The following OTUD7A variants were observed in gnomAD, a reference collection of about 807,000 sequenced individuals.
The protein encoded by OTUD7A is OTU domain-containing protein 7A.
OTUD7A carries 12 observed loss-of-function variants against 65.7 expected under a neutral mutation model. The observed-to-expected ratio is 0.18, with a 90% CI of 0.12 to 0.30. The LOEUF is 0.30. Ranked by LOEUF, OTUD7A falls within the 10% of genes least tolerant of loss-of-function variation. The probability of loss-of-function intolerance (pLI) is 1.00; values close to 1 mark genes in which losing one functional copy is unlikely to be tolerated. For synonymous variants in OTUD7A, 641 were observed against 586.3 expected (o/e 1.09, Z -1.35); for missense variants, 1,148 against 1,304.8 (o/e 0.88, Z 1.85).
intron 5 of OTUD7A, chr15:31,556,700 A>G (rs1888507024): frequency 1.3e-5 from 2 of 152,250 alleles, no homozygotes; most frequent in East Asian, 3.9e-4. Context: ...AGCTGCTATG[A>G]TCACCCAAGC....
At chr15:31,827,699 G>A (rs554520160) in intron 1 of OTUD7A, among the ~76,000 whole-genome samples, 2 of 152,268 alleles carry the variant, frequency 1.3e-5, no homozygotes, top group East Asian at 1.9e-4. Context: ...GGCTGAGATG[G>A]GTGGATCACT....
intron 1 of OTUD7A, among the ~76,000 whole-genome samples, chr15:31,665,289 G>A (rs934579788): frequency 5.9e-5 from 9 of 152,198 alleles, no homozygotes; most frequent in African/African-American, 1.7e-4. Context: ...ACCCATCCAT[G>A]AGCATGGGAT....
At position 31,483,818 on chromosome 15, in the gene OTUD7A, T is replaced by C. The variant is rs2338681; in HGVS notation, c.2278A>G (p.Ser760Gly). 0.99 allele frequency: 994,293 copies of C among 1,003,664 alleles called. 492,514 individuals carry two copies. The highest frequency in any genetic ancestry group is 1 in the East Asian group (9,549 of 9,550). The allele number at this position is 1,003,664 out of a possible 1,614,324, so 62.2% of individuals were successfully genotyped here. A position where few individuals can be genotyped will look rare whatever the true frequency, so the allele number is the denominator to read the frequency against. The stretch of plus-strand genomic sequence containing the variant: ...CGGCCAGGCACTGGTCCGCTGGCGC[T>C]CGCACGCCGCGCGCCTCCCCCCGGG... ...ASPGGGARRA[S>G]ASGPVPGRSP... Residue 760 changes from serine (S) to glycine (G), a missense_variant, in exon 13 of 13, where the codon AGC becomes GGC. By Grantham distance (56) the Ser-to-Gly change is moderately conservative. This residue lies in a region of OTUD7A where 842 missense variants were observed against 769.5 expected (regional missense o/e 1.09). Transcript: ENST00000307050.
chr15:31,828,003 A>C (rs1896839825), intron 1 of OTUD7A, among the ~76,000 whole-genome samples: 1 of 150,796 alleles, frequency 6.6e-6, no homozygotes, highest in Admixed American at 6.6e-5. Flanking sequence ...TATCCTGTCC[A>C]TGGTGTTTGC....
At chr15:31,755,302 C>T (rs1894780082) in intron 1 of OTUD7A, among the ~76,000 whole-genome samples, 1 of 152,098 alleles carries the variant, frequency 6.6e-6, no homozygotes, top group Non-Finnish European at 1.5e-5. Flanking sequence ...AGAACTTCTT[C>T]ATATATCTGA....
intron 1 of OTUD7A, among the ~76,000 whole-genome samples, chr15:31,686,567 G>C (rs1392392552): frequency 6.6e-6 from 1 of 152,204 alleles, no homozygotes; most frequent in Non-Finnish European, 1.5e-5. Context: ...CATCTCCAAG[G>C]AGCAGATCCA....
At chr15:31,694,408 C>T (rs1163990849) in intron 1 of OTUD7A, among the ~76,000 whole-genome samples, 1 of 152,210 alleles carries the variant, frequency 6.6e-6, no homozygotes, top group Non-Finnish European at 1.5e-5. Flanking sequence ...CCCTCAAGCC[C>T]CCTTCCCCCG....
chr15:31,833,898 T>C (rs1184779877), intron 1 of OTUD7A, among the ~76,000 whole-genome samples: 1 of 152,242 alleles, frequency 6.6e-6, no homozygotes, highest in Non-Finnish European at 1.5e-5. Context: ...AAGATGGCCC[T>C]GGAGGCCCCG....
At chr15:31,789,612 G>A (rs1895760270) in intron 1 of OTUD7A, among the ~76,000 whole-genome samples, 1 of 152,088 alleles carries the variant, frequency 6.6e-6, no homozygotes. Flanking sequence ...ATCTCAGCAG[G>A]GTGGCACATT....
chr15:31,734,042 G>A (rs1321853190), intron 1 of OTUD7A, among the ~76,000 whole-genome samples: 1 of 151,960 alleles, frequency 6.6e-6, no homozygotes, highest in Non-Finnish European at 1.5e-5. Flanking sequence ...TGCATTTCGG[G>A]GAATTGGATA....
intron 1 of OTUD7A, among the ~76,000 whole-genome samples, chr15:31,723,927 G>C (rs866827445): frequency 1.9e-5 from 2 of 106,210 alleles, no homozygotes; most frequent in Non-Finnish European, 3.8e-5. Flanking sequence ...CCACACCCTC[G>C]CCAAGACTGG....
intron 5 of OTUD7A, among the ~76,000 whole-genome samples, chr15:31,531,631 C>G (rs776934195): frequency 1.3e-5 from 2 of 151,540 alleles, no homozygotes; most frequent in Non-Finnish European, 2.9e-5. Flanking sequence ...ATTTCCTCTT[C>G]TATTCCAGCC....
intron 8 of OTUD7A, among the ~76,000 whole-genome samples, chr15:31,507,946 A>G (rs2125615): frequency 0.73 from 110,604 of 152,052 alleles, 40,462 homozygotes; most frequent in East Asian, 0.84. Flanking sequence ...TGATTATAAC[A>G]ATAAGTGTTA....
chr15:31,654,409 A>C (rs1379835067), intron 3 of OTUD7A, among the ~76,000 whole-genome samples: 6 of 151,184 alleles, frequency 4.0e-5, no homozygotes, highest in Non-Finnish European at 7.4e-5. Flanking sequence ...AAGTGACTTA[A>C]AGAATCATTG....
At chr15:31,604,931 C>G (rs1423165684) in intron 3 of OTUD7A, among the ~76,000 whole-genome samples, 1 of 152,168 alleles carries the variant, frequency 6.6e-6, no homozygotes, top group African/African-American at 2.4e-5. Flanking sequence ...ACTGAGCCAC[C>G]AGGGAGCCAG....
rs1417556267 is a variant in OTUD7A, at chr15:31,860,697, A to ATATATATATATATATG, written c.-100+9809_-100+9810insCATATATATATATATA. Reference sequence around the variant, plus strand: ...TGTGTGTATATATATATATATATATATATGTATGTATATATATATATTTTT... The same window carrying ATATATATATATATATG: ...TGTGTGTATATATATATATATATATATATATATATATATATGTATGTATGTATATATATATATTTTT... On this transcript the variant is annotated intron_variant, in intron 1 of 12. Coordinates refer to ENST00000307050, the MANE Select transcript of OTUD7A (RefSeq NM_001382637.1). Among the ~76,000 whole-genome samples the ATATATATATATATATG allele has an allele frequency of 1.4e-3, 181 of 129,750 alleles. 3 individuals carry two copies. The East Asian group carries it at 0.034, about 24-fold the overall frequency. The allele number at this position is 129,750 out of a possible 152,430, so 85.1% of individuals were successfully genotyped here.
At chr15:31,569,150 AAC>A (rs1033719855) in intron 4 of OTUD7A, among the ~76,000 whole-genome samples, 1 of 152,244 alleles carries the variant, frequency 6.6e-6, no homozygotes, top group African/African-American at 2.4e-5. Context: ...TTAAGCTAGA[AAC>A]ACACATGTGT....
chr15:31,765,417 AT>A (rs35682954), intron 1 of OTUD7A, among the ~76,000 whole-genome samples: 2 of 151,892 alleles, frequency 1.3e-5, no homozygotes, highest in Admixed American at 1.3e-4. Context: ...GTGCAGATAA[AT>A]TTTTTTTAAA....
chr15:31,629,339 C>T (rs867969799), intron 3 of OTUD7A, among the ~76,000 whole-genome samples: 14 of 152,226 alleles, frequency 9.2e-5, no homozygotes, highest in East Asian at 3.9e-4. Context: ...TTTCTGCATC[C>T]ATTGAGATAA....
Sources: gnomAD v4.1 joint callset for allele counts (sites outside exome capture counted in the v4.1 genomes callset) on GRCh38, gnomAD v4.1.1 for gene constraint, gnomAD v4.1.1 regional missense constraint, MANE v1.5 for transcripts, NCBI Gene and HGNC (gene_info 2026-07-23, HGNC 2026-07-21) for gene names.